Variants in CARMIL1 observed in about 807,000 individuals in gnomAD.
CARMIL1 encodes F-actin-uncapping protein LRRC16A.
CARMIL1 carries 90 observed loss-of-function variants against 177.1 expected under a neutral mutation model. The observed-to-expected ratio is 0.51, with a 90% CI of 0.43 to 0.61. CARMIL1 has a LOEUF of 0.61. CARMIL1 is among the 20% of genes least tolerant of loss of function. The pLI, the probability that CARMIL1 is intolerant of heterozygous loss-of-function variation, is 0.00. For synonymous variants in CARMIL1, 577 were observed against 606.2 expected (o/e 0.95, Z 0.71); for missense variants, 1,380 against 1,667.0 (o/e 0.83, Z 3.00).
chr6:25,610,602 G>A (rs993502778), intron 36 of CARMIL1, among the ~76,000 whole-genome samples: 14 of 152,062 alleles, frequency 9.2e-5, no homozygotes, highest in Admixed American at 3.9e-4. Context: ...CAGCACCCCC[G>A]GGCCTGAGCC....
At chr6:25,283,879 A>AT (rs1781328227) in intron 1 of CARMIL1, among the ~76,000 whole-genome samples, 1 of 77,828 alleles carries the variant, frequency 1.3e-5, no homozygotes, top group Non-Finnish European at 2.8e-5. Flanking sequence ...ACACCTGGCT[A>AT]ATTTTTTTTT....
chr6:25,582,270 C>G (rs1414705961), intron 31 of CARMIL1, among the ~76,000 whole-genome samples: 1 of 152,134 alleles, frequency 6.6e-6, no homozygotes, highest in African/African-American at 2.4e-5. Context: ...CTGTCATTCC[C>G]GACAGGAGAT....
chr6:25,295,418 T>A (rs1007956436), intron 2 of CARMIL1, among the ~76,000 whole-genome samples: 11 of 152,220 alleles, frequency 7.2e-5, no homozygotes, highest in African/African-American at 2.4e-4. Context: ...TTTTGCCTTA[T>A]AACTGTCCAT....
At chr6:25,563,837 A>G (rs1474759416) in intron 29 of CARMIL1, 1 of 985,318 alleles carries the variant, frequency 1.0e-6, no homozygotes. Flanking sequence ...GCTGGAAGCT[A>G]TGAATCTACC....
intron 9 of CARMIL1, 65 bp downstream of exon 9, chr6:25,466,013 T>C: frequency 1.6e-6 from 2 of 1,274,440 alleles, no homozygotes; most frequent in East Asian, 4.6e-5. Context: ...CCAATAATTG[T>C]GGGAAAAAAA....
At chr6:25,451,986 G>GGCTCC in intron 8 of CARMIL1, 1 of 112,672 alleles carries the variant, frequency 8.9e-6, no homozygotes, top group Non-Finnish European at 1.7e-5. Context: ...CTAGCATCTT[G>GGCTCC]CCCCCCCCTC....
intron 2 of CARMIL1, chr6:25,388,219 A>G (rs565479481): frequency 6.6e-6 from 1 of 152,344 alleles, no homozygotes; most frequent in South Asian, 2.1e-4. Flanking sequence ...ACAGTAGAGT[A>G]AAGGCTGGAG....
chr6:25,466,727 A>G (rs1800634126), intron 9 of CARMIL1, among the ~76,000 whole-genome samples: 1 of 152,110 alleles, frequency 6.6e-6, no homozygotes, highest in African/African-American at 2.4e-5. Context: ...TAGGACATGG[A>G]GGGTTGAGAC....
chr6:25,408,252 C>T (rs984789), intron 2 of CARMIL1, among the ~76,000 whole-genome samples: 29,207 of 148,018 alleles, frequency 0.2, 3,733 homozygotes, highest in African/African-American at 0.36. Context: ...TGCACCACTG[C>T]ACTCCAGCCC....
At position 25,279,469 on chromosome 6, in the gene CARMIL1, C is replaced by G; in HGVS notation, c.-327C>G. The G allele has an allele frequency of 1.1e-5, 5 of 437,244 alleles. 1 individual carries two copies. The South Asian group carries it at 1.2e-4, about 11-fold the overall frequency. The allele number at this position is 437,244 out of a possible 1,614,324, so 27.1% of individuals were successfully genotyped here. On this transcript the variant is annotated 5_prime_UTR_variant, in exon 1 of 37. Coordinates refer to ENST00000329474, the MANE Select transcript of CARMIL1 (RefSeq NM_017640.6). The stretch of plus-strand genomic sequence containing the variant: ...CGGCCCAAGCCCCGCCGGGGACCAG[C>G]GAGCCGGGAGGAGGAGCAGGCGCCA...
intron 26 of CARMIL1, among the ~76,000 whole-genome samples, chr6:25,540,666 A>G (rs1484453930): frequency 6.6e-6 from 1 of 152,228 alleles, no homozygotes; most frequent in Non-Finnish European, 1.5e-5. Flanking sequence ...AGTAACTTCA[A>G]GAAACAGCTA....
intron 2 of CARMIL1, among the ~76,000 whole-genome samples, chr6:25,378,024 C>A (rs965093485): frequency 1.3e-5 from 2 of 152,184 alleles, no homozygotes; most frequent in Non-Finnish European, 2.9e-5. Flanking sequence ...AGGGCTGGGT[C>A]AGGCAAGTCT....
rs201052535 is a variant in CARMIL1 at position 25,363,359 on chromosome 6, G to A, written c.139-56755G>A. On this transcript the variant is annotated intron_variant, in intron 2 of 36. Transcript: ENST00000329474. ...CAGCTCAGAGGACTAGTGTTCCATGGAGAACACTGTGACAAAGGCTGTTCT... is the reference window on the plus strand; with the variant it reads ...CAGCTCAGAGGACTAGTGTTCCATGAAGAACACTGTGACAAAGGCTGTTCT... Among the ~76,000 whole-genome samples the A allele has an allele frequency of 7.9e-5, 12 of 151,846 alleles. No individual in the cohort carries two copies. The East Asian group carries it at 2.1e-3, about 27-fold the overall frequency.
chr6:25,312,725 TC>T (rs1783929719), intron 2 of CARMIL1, among the ~76,000 whole-genome samples: 1 of 151,114 alleles, frequency 6.6e-6, no homozygotes, highest in African/African-American at 2.4e-5. Context: ...GAATTTTCCA[TC>T]CCCCCCACTT....
intron 2 of CARMIL1, among the ~76,000 whole-genome samples, chr6:25,342,023 G>A (rs1349680213): frequency 2.6e-5 from 4 of 152,232 alleles, no homozygotes; most frequent in Admixed American, 2.0e-4. Context: ...CTAGTTGCTA[G>A]CAACTTACTA....
intron 2 of CARMIL1, among the ~76,000 whole-genome samples, chr6:25,402,987 C>A (rs1794017549): frequency 6.6e-6 from 1 of 151,916 alleles, no homozygotes; most frequent in South Asian, 2.1e-4. Flanking sequence ...TTTTCCCCTA[C>A]TGAGGACAAA....
intron 2 of CARMIL1, among the ~76,000 whole-genome samples, chr6:25,304,847 C>A (rs1783139708): frequency 1.3e-5 from 2 of 152,186 alleles, no homozygotes; most frequent in South Asian, 4.1e-4. Context: ...CTTAAAACTT[C>A]TATTATGAGG....
At position 25,556,778 on chromosome 6, in the gene CARMIL1, A is replaced by G. The variant is rs1318132952; in HGVS notation, c.2670A>G (p.Pro890=). Residue 890 remains proline (P), a synonymous_variant, in exon 29 of 37, where the codon CCA becomes CCG. Transcript: ENST00000329474. ...SLEIELAEEK[P]VKRSIITVEE... ...AGATCGAGCTGGCTGAGGAGAAGCC[A>G]GTTAAACGTTCCATCATCACAGTGG... is the stretch of plus-strand genomic sequence containing the variant. The G allele has an allele frequency of 6.2e-7, 1 of 1,613,688 alleles. No individual in the cohort carries two copies. The highest frequency in any genetic ancestry group is 1.1e-5 in the South Asian group (1 of 91,074).
rs576936598 is a variant in CARMIL1 at position 25,441,980 on chromosome 6, TAGG to T, written c.371+6379_371+6381del. Among the ~76,000 whole-genome samples, 319 of 151,946 alleles carry T rather than the reference TAGG, an allele frequency of 2.1e-3. 1 individual carries two copies. Among genetic ancestry groups the T allele is most frequent in the Non-Finnish European group, 3.3e-3 (224 of 68,000 alleles). On this transcript the variant is annotated intron_variant, in intron 5 of 36. Coordinates refer to ENST00000329474, the MANE Select transcript of CARMIL1 (RefSeq NM_017640.6). Reference sequence around the variant, plus strand: ...GTTATTATGGAGAAAGCTGATGAAATAGGAGTTTATATATAAACAAGAGAAAGG... The same window carrying T: ...GTTATTATGGAGAAAGCTGATGAAATAGTTTATATATAAACAAGAGAAAGG...
Sources: gnomAD v4.1 joint callset for allele counts (sites outside exome capture counted in the v4.1 genomes callset) on GRCh38, gnomAD v4.1.1 for gene constraint, MANE v1.5 for transcripts, NCBI Gene and HGNC (gene_info 2026-07-23, HGNC 2026-07-21) for gene names.